RYR3: variants seen among roughly 807,000 people sequenced by gnomAD.
RYR3 encodes brain ryanodine receptor-calcium release channel.
A neutral mutation model predicts 584.3 loss-of-function variants in RYR3; 207 were observed. The ratio of observed to expected loss-of-function variants is 0.35; its 90% CI spans 0.32 to 0.40. The LOEUF (loss-of-function observed/expected upper bound fraction) is 0.40. Among genes scored for constraint, RYR3 ranks in the 10% least tolerant of loss-of-function variants. RYR3 has a pLI of 1.00. For synonymous variants in RYR3, 2,416 were observed against 2,248.5 expected (o/e 1.07, Z -2.11); for missense variants, 5,616 against 6,089.2 (o/e 0.92, Z 2.59).
At chr15:33,623,661 T>A in intron 19 of RYR3, 146 bp from the exon 20 acceptor site, 1 of 626,430 alleles carries the variant, frequency 1.6e-6, no homozygotes, top group Non-Finnish European at 2.8e-6. Flanking sequence ...TACTGGATGA[T>A]GTTTGCTGTG....
rs1416590397 is a variant in RYR3, at chr15:33,769,136, G to C, written c.8780G>C (p.Ser2927Thr). The C allele has an allele frequency of 6.2e-7, 1 of 1,613,608 alleles. No individual in the cohort carries two copies. The highest frequency in any genetic ancestry group is 8.5e-7 in the Non-Finnish European group (1 of 1,179,620). The change falls in exon 62 of 104, where the codon AGC (serine) becomes ACC (threonine). Residue 2927 changes from serine to threonine, a missense_variant. Ser to Thr is a moderately conservative substitution (Grantham distance 58). This residue lies in a region of RYR3 where 1,280 missense variants were observed against 1,426.2 expected (regional missense o/e 0.90). Transcript: ENST00000634891. ...GGTAGTGATTCTACTACAATGGTGA[G>C]CTGTCTTCACATCTTAGCTCAGACA... ...LFGSDSTTMV[S>T]CLHILAQTLD...
Position 33,706,934 on chromosome 15 carries a change from G to T in RYR3, c.6499G>T (p.Ala2167Ser). The change falls in exon 43 of 104, where the codon GCA becomes TCA. Residue 2167 changes from alanine to serine, a missense_variant. Ala to Ser is a moderately conservative substitution (Grantham distance 99, BLOSUM62 1). This residue lies in a region of RYR3 where 1,280 missense variants were observed against 1,426.2 expected (regional missense o/e 0.90). Transcript: ENST00000634891. The stretch of plus-strand genomic sequence containing the variant: ...TTTCTGGCAGGTGGTGACCTACTTG[G>T]CAGGCTGTGGCCTACAGAGCTGCCC... ...PDLEKVVTYLAGCGLQSCPML... is the reference protein window; with the variant it reads ...PDLEKVVTYLSGCGLQSCPML... 6.2e-7 allele frequency: 1 copy of T among 1,607,824 alleles called. No individual in the cohort carries two copies. The highest frequency in any genetic ancestry group is 8.5e-7 in the Non-Finnish European group (1 of 1,176,794).
intron 89 of RYR3, chr15:33,839,627 A>G (rs1455435094): frequency 1.3e-5 from 2 of 152,230 alleles, no homozygotes; most frequent in East Asian, 1.9e-4. Context: ...CATTCATTCC[A>G]TTATTATTTA....
At position 33,347,450 on chromosome 15, in the gene RYR3, CT is replaced by C. The variant is rs780033353; in HGVS notation, c.51+36368del. 3.3e-3 allele frequency among the ~76,000 whole-genome samples: 468 copies of C among 141,074 alleles called. 1 individual carries two copies. The highest frequency in any genetic ancestry group is 3.9e-3 in the Non-Finnish European group (253 of 64,334). The allele number at this position is 141,074 out of a possible 152,430, so 92.6% of individuals were successfully genotyped here. ...TTGTGTCAGATTTGGACATTGGGAG[CT>C]TTTTTTTTTTTTTGAGACGGAGTCT... On this transcript the variant is annotated intron_variant, in intron 1 of 103. Coordinates refer to ENST00000634891, the MANE Select transcript of RYR3 (RefSeq NM_001036.6).
chr15:33,670,082 C>A (rs1223285966), intron 37 of RYR3, among the ~76,000 whole-genome samples: 2 of 152,112 alleles, frequency 1.3e-5, no homozygotes, highest in Non-Finnish European at 2.9e-5. Flanking sequence ...TCTACAGATT[C>A]TAGGGCCACG....
intron 2 of RYR3, among the ~76,000 whole-genome samples, chr15:33,484,181 GA>G (rs149161240): frequency 5.7e-4 from 82 of 144,376 alleles, no homozygotes; most frequent in Admixed American, 4.1e-3. Flanking sequence ...ATGAAGAAGA[GA>G]AAAAAAAAAT....
At chr15:33,756,645 G>A (rs541785900) in intron 59 of RYR3, among the ~76,000 whole-genome samples, 4 of 152,132 alleles carry the variant, frequency 2.6e-5, no homozygotes, top group Non-Finnish European at 5.9e-5. Flanking sequence ...GCGTGGTTCA[G>A]ACAGGCTCAC....
At chr15:33,611,416 C>T (rs926968442) in intron 18 of RYR3, among the ~76,000 whole-genome samples, 6 of 151,846 alleles carry the variant, frequency 4.0e-5, no homozygotes, top group South Asian at 2.1e-4. Flanking sequence ...GTTAGGCGGG[C>T]GTGGTGGCGG....
intron 93 of RYR3, among the ~76,000 whole-genome samples, chr15:33,846,716 C>G (rs2078745976): frequency 6.6e-6 from 1 of 152,204 alleles, no homozygotes; most frequent in Non-Finnish European, 1.5e-5. Context: ...AGTGCAAATT[C>G]TGGAGCCAAG....
chr15:33,357,215 G>A (rs558037837), intron 1 of RYR3, among the ~76,000 whole-genome samples: 133 of 152,290 alleles, frequency 8.7e-4, no homozygotes, highest in African/African-American at 3.1e-3. Context: ...TGTGGACACT[G>A]CTGGGTTTCT....
At chr15:33,674,089 A>G (rs1387819350) in intron 38 of RYR3, among the ~76,000 whole-genome samples, 3 of 152,202 alleles carry the variant, frequency 2.0e-5, no homozygotes, top group Admixed American at 6.5e-5. Flanking sequence ...GTCAAGCCCC[A>G]AAGTCCTTAC....
chr15:33,669,464 G>A lies in RYR3; in HGVS notation c.5722+8G>A, dbSNP rs1222343339. The A allele has an allele frequency of 6.2e-7, 1 of 1,611,758 alleles. No homozygotes were observed. The highest frequency in any genetic ancestry group is 2.2e-5 in the East Asian group (1 of 44,868). ...ACCTTCTCCTTCACTGTGGTAAGCT[G>A]CCCAGAGAAAGGCTTTGTCCTTTTT... On this transcript the variant is annotated splice_region_variant and intron_variant, in intron 37 of 103. Coordinates refer to ENST00000634891, the MANE Select transcript of RYR3 (RefSeq NM_001036.6).
chr15:33,558,717 T>C (rs1190472418), intron 10 of RYR3, among the ~76,000 whole-genome samples: 1 of 152,174 alleles, frequency 6.6e-6, no homozygotes, highest in Non-Finnish European at 1.5e-5. Context: ...GGGCAGCTAG[T>C]ATACCAACAA....
intron 12 of RYR3, among the ~76,000 whole-genome samples, chr15:33,571,561 T>G (rs1464954335): frequency 1.3e-5 from 2 of 152,186 alleles, no homozygotes; most frequent in African/African-American, 2.4e-5. Flanking sequence ...TTTTCTTTTT[T>G]CTTTATGAAC....
intron 3 of RYR3, among the ~76,000 whole-genome samples, chr15:33,526,257 C>T (rs1425306121): frequency 3.3e-5 from 5 of 152,304 alleles, no homozygotes; most frequent in South Asian, 2.1e-4. Context: ...TCTGAAATTA[C>T]GGGCACGAGG....
chr15:33,763,259 T>C (rs939258334), intron 60 of RYR3, among the ~76,000 whole-genome samples: 1 of 152,198 alleles, frequency 6.6e-6, no homozygotes, highest in Non-Finnish European at 1.5e-5. Context: ...AAAGCCATAA[T>C]TGACAAATGG....
At chr15:33,673,675 C>T (rs2063984849) in intron 38 of RYR3, among the ~76,000 whole-genome samples, 2 of 152,174 alleles carry the variant, frequency 1.3e-5, no homozygotes, top group Admixed American at 1.3e-4. Flanking sequence ...AAGAGGCTGA[C>T]CATCTATTTC....
At chr15:33,687,001 C>T (rs558697940) in intron 38 of RYR3, among the ~76,000 whole-genome samples, 102 of 152,264 alleles carry the variant, frequency 6.7e-4, no homozygotes, top group African/African-American at 2.3e-3. Context: ...CTTTGAAAAT[C>T]GGCACAAGAC....
At chr15:33,377,924 G>T (rs568039762) in intron 1 of RYR3, among the ~76,000 whole-genome samples, 2 of 152,036 alleles carry the variant, frequency 1.3e-5, no homozygotes, top group Non-Finnish European at 2.9e-5. Context: ...GGGACTACAG[G>T]TGCACACAAC....
Sources: gnomAD v4.1 joint callset for allele counts (sites outside exome capture counted in the v4.1 genomes callset) on GRCh38, gnomAD v4.1.1 for gene constraint, gnomAD v4.1.1 regional missense constraint, MANE v1.5 for transcripts, NCBI Gene and HGNC (gene_info 2026-07-23, HGNC 2026-07-21) for gene names.